The following FAM135A variants were observed in gnomAD, a reference collection of about 807,000 sequenced individuals.
FAM135A encodes protein FAM135A.
In FAM135A, 79 loss-of-function variants were observed where a neutral mutation model predicts 146.8. That is an observed-to-expected ratio of 0.54 (90% confidence interval 0.45 to 0.65). The LOEUF (loss-of-function observed/expected upper bound fraction) is 0.65. Ranked by LOEUF, FAM135A falls within the 30% of genes least tolerant of loss-of-function variation. The probability of loss-of-function intolerance (pLI) is 0.00; values close to 1 mark genes in which losing one functional copy is unlikely to be tolerated. For synonymous variants in FAM135A, 562 were observed against 603.6 expected (o/e 0.93, Z 1.01); for missense variants, 1,623 against 1,758.2 (o/e 0.92, Z 1.38).
At chr6:70,510,481 C>T (rs1197396435) in intron 12 of FAM135A, among the ~76,000 whole-genome samples, 3 of 152,002 alleles carry the variant, frequency 2.0e-5, no homozygotes, top group Non-Finnish European at 4.4e-5. Context: ...CTGGCAACCG[C>T]TAGTCTCATT....
At chr6:70,537,774 T>C (rs1214071406) in intron 19 of FAM135A, among the ~76,000 whole-genome samples, 2 of 152,198 alleles carry the variant, frequency 1.3e-5, no homozygotes, top group African/African-American at 4.8e-5. Context: ...GGGTTACTGA[T>C]AATATAAAAA....
chr6:70,463,917 A>G (rs955435664), intron 5 of FAM135A, among the ~76,000 whole-genome samples: 1 of 152,204 alleles, frequency 6.6e-6, no homozygotes, highest in Non-Finnish European at 1.5e-5. Context: ...TTTAAGAGAT[A>G]GTGTTAGATT....
At chr6:70,445,451 A>T (rs908964409) in intron 4 of FAM135A, among the ~76,000 whole-genome samples, 2 of 152,208 alleles carry the variant, frequency 1.3e-5, no homozygotes, top group South Asian at 4.1e-4. Flanking sequence ...GAAATCAGGG[A>T]TCTCACAGCC....
intron 13 of FAM135A, 47 bp from the exon 14 acceptor site, chr6:70,523,918 TGG>T (rs767620211): frequency 9.3e-5 from 145 of 1,565,498 alleles, no homozygotes; most frequent in African/African-American, 3.7e-4. Flanking sequence ...AAAGGGGAGT[TGG>T]GTATAATTTT....
intron 12 of FAM135A, among the ~76,000 whole-genome samples, chr6:70,516,570 C>T (rs1474008180): frequency 8.7e-6 from 1 of 114,312 alleles, no homozygotes; most frequent in Non-Finnish European, 1.7e-5. Flanking sequence ...GAGTCTTGCT[C>T]TGTCACCCAG....
chr6:70,483,326 A>T (rs1157398993), intron 10 of FAM135A, among the ~76,000 whole-genome samples: 1 of 152,150 alleles, frequency 6.6e-6, no homozygotes, highest in African/African-American at 2.4e-5. Context: ...CAGTAATCCT[A>T]ATGGTTTCAT....
intron 5 of FAM135A, among the ~76,000 whole-genome samples, chr6:70,474,710 A>G (rs1782282100): frequency 6.6e-6 from 1 of 152,164 alleles, no homozygotes; most frequent in Non-Finnish European, 1.5e-5. Flanking sequence ...AACATCCAGT[A>G]TGTGATGATA....
At chr6:70,549,855 ACTT>A (rs1340480021) in intron 20 of FAM135A, among the ~76,000 whole-genome samples, 3 of 152,142 alleles carry the variant, frequency 2.0e-5, no homozygotes, top group Non-Finnish European at 2.9e-5. Context: ...CTGTAGTAGA[ACTT>A]CTTTCAAAAT....
At position 70,475,721 on chromosome 6, in the gene FAM135A, A is replaced by G; in HGVS notation, c.356A>G (p.Asp119Gly). Residue 119 changes from aspartate to glycine, a missense_variant, in exon 7 of 22, where the codon GAT becomes GGT. Around this residue, in one of 7 missense-constraint regions of FAM135A, gnomAD observed 171 missense variants for 164.9 expected, o/e 1.04. Transcript: ENST00000418814. ...FLLSLDLHFT[D>G]GDYSADDLNA... ...TTATCCTTGGATCTACACTTCACAGATGGAGATTATTCGTAAGTAGCTAAT... is the reference window on the plus strand; with the variant it reads ...TTATCCTTGGATCTACACTTCACAGGTGGAGATTATTCGTAAGTAGCTAAT... 1 of 1,608,700 alleles carries G rather than the reference A, an allele frequency of 6.2e-7. No homozygotes were observed. Among genetic ancestry groups the G allele is most frequent in the Non-Finnish European group, 8.5e-7 (1 of 1,177,108 alleles).
intron 16 of FAM135A, 76 bp from the exon 17 acceptor site, chr6:70,533,084 C>T (rs1422686679): frequency 5.9e-6 from 7 of 1,183,338 alleles, no homozygotes; most frequent in Non-Finnish European, 8.7e-6. Context: ...TCTCTAAAAA[C>T]TGTAAAAATA....
chr6:70,536,534 A>G, intron 19 of FAM135A, 123 bp downstream of exon 19: 2 of 773,008 alleles, frequency 2.6e-6, no homozygotes, highest in East Asian at 3.3e-5. Context: ...GAAATAAAAA[A>G]TGTAGCTAAT....
At chr6:70,453,818 T>C (rs1291604420) in intron 5 of FAM135A, among the ~76,000 whole-genome samples, 1 of 152,242 alleles carries the variant, frequency 6.6e-6, no homozygotes, top group Non-Finnish European at 1.5e-5. Context: ...CTATCATTGA[T>C]GTTCATTTGG....
chr6:70,424,087 T>G (rs1769490845), intron 2 of FAM135A, among the ~76,000 whole-genome samples: 1 of 152,264 alleles, frequency 6.6e-6, no homozygotes, highest in Non-Finnish European at 1.5e-5. Context: ...TTAGTTCTGC[T>G]TTCTGGTAAG....
Position 70,526,732 on chromosome 6 carries a change from A to G in FAM135A, c.3614+34A>G. 10 of 1,380,500 alleles carry G rather than the reference A, an allele frequency of 7.2e-6. No homozygotes were observed. The Middle Eastern group carries it at 9.3e-4, about 128-fold the overall frequency. The allele number at this position is 1,380,500 out of a possible 1,614,324, so 85.5% of individuals were successfully genotyped here. ...TGGAACGTAATAGTACCTGCTGCTA[A>G]ATATATACATATATATATACACACA... On this transcript the variant is annotated intron_variant, in intron 15 of 21. Transcript: ENST00000418814.
chr6:70,495,447 T>C (rs559271364), intron 11 of FAM135A, among the ~76,000 whole-genome samples: 5 of 152,232 alleles, frequency 3.3e-5, no homozygotes, highest in African/African-American at 1.2e-4. Flanking sequence ...ACTAATTTTG[T>C]TTAATTTTTG....
At chr6:70,475,268 G>T in intron 5 of FAM135A, 142 bp from the exon 6 acceptor site, 1 of 609,866 alleles carries the variant, frequency 1.6e-6, no homozygotes, top group Non-Finnish European at 2.6e-6. Flanking sequence ...TAAACTTTCA[G>T]AAATGTTCCA....
intron 5 of FAM135A, among the ~76,000 whole-genome samples, chr6:70,466,656 A>T (rs1214293019): frequency 6.6e-6 from 1 of 152,214 alleles, no homozygotes; most frequent in Non-Finnish European, 1.5e-5. Context: ...GATATCTAAC[A>T]TATGGAACAG....
At chr6:70,439,344 A>G (rs1007517841) in intron 4 of FAM135A, among the ~76,000 whole-genome samples, 3 of 152,098 alleles carry the variant, frequency 2.0e-5, no homozygotes, top group African/African-American at 7.2e-5. Flanking sequence ...TGAACCTTTT[A>G]TCATTATGAA....
At chr6:70,458,299 A>C (rs978387854) in intron 5 of FAM135A, among the ~76,000 whole-genome samples, 2 of 152,176 alleles carry the variant, frequency 1.3e-5, no homozygotes, top group South Asian at 2.1e-4. Flanking sequence ...CAAAATAGCA[A>C]ATTTTACCTG....
Sources: allele counts gnomAD v4.1 joint callset (sites outside exome capture counted in the v4.1 genomes callset), GRCh38; gene constraint gnomAD v4.1.1; regional missense constraint gnomAD v4.1.1; transcripts MANE v1.5; gene names NCBI Gene and HGNC (gene_info 2026-07-23, HGNC 2026-07-21).